CLASP2: variants seen among roughly 807,000 people sequenced by gnomAD.
The protein encoded by CLASP2 is CLIP-associating protein 2.
A neutral mutation model predicts 194.4 loss-of-function variants in CLASP2; 47 were observed. That is an observed-to-expected ratio of 0.24 (90% CI 0.19 to 0.31). CLASP2 has a LOEUF of 0.31. Ranked by LOEUF, CLASP2 falls within the 10% of genes least tolerant of loss-of-function variation. CLASP2 has a pLI of 1.00. For missense variants in CLASP2, 1,445 were observed against 1,823.6 expected, an observed-to-expected ratio of 0.79 and a Z score of 3.78; for synonymous variants, 619 against 633.5, an observed-to-expected ratio of 0.98 and a Z score of 0.34.
intron 1 of CLASP2, among the ~76,000 whole-genome samples, chr3:33,715,816 AAC>A (rs892668394): frequency 2.0e-5 from 3 of 150,370 alleles, no homozygotes; most frequent in South Asian, 2.1e-4. Flanking sequence ...CACTTTTTAA[AAC>A]AGTTAAGTAT....
chr3:33,632,457 G>A, intron 8 of CLASP2, 86 bp from the exon 9 acceptor site: 4 of 898,356 alleles, frequency 4.5e-6, no homozygotes, highest in Non-Finnish European at 6.7e-6. Flanking sequence ...AAACTCTTTT[G>A]ATATCAACAA....
At chr3:33,702,738 G>T (rs774702935) in intron 1 of CLASP2, among the ~76,000 whole-genome samples, 1 of 151,986 alleles carries the variant, frequency 6.6e-6, no homozygotes, top group African/African-American at 2.4e-5. Flanking sequence ...CTTTTACAAC[G>T]TAATAGTAAA....
chr3:33,569,296 A>C (rs1171172605), intron 26 of CLASP2, among the ~76,000 whole-genome samples: 2 of 152,224 alleles, frequency 1.3e-5, no homozygotes, highest in African/African-American at 4.8e-5. Context: ...CATCCAACCA[A>C]ACTGCATTAC....
At chr3:33,542,303 TTATTA>T (rs1297578988) in intron 32 of CLASP2, among the ~76,000 whole-genome samples, 4 of 149,220 alleles carry the variant, frequency 2.7e-5, no homozygotes, top group African/African-American at 9.8e-5. Flanking sequence ...CACTATTTAC[TTATTA>T]TATATGTTTA....
chr3:33,642,672 C>A (rs1399498028), intron 8 of CLASP2, among the ~76,000 whole-genome samples: 2 of 151,866 alleles, frequency 1.3e-5, no homozygotes, highest in Non-Finnish European at 3.0e-5. Flanking sequence ...AAACTTTCTA[C>A]AACCAATTTA....
intron 7 of CLASP2, among the ~76,000 whole-genome samples, chr3:33,648,019 C>T (rs140238980): frequency 3.5e-5 from 5 of 144,672 alleles, no homozygotes; most frequent in African/African-American, 1.0e-4. Flanking sequence ...GGCAACAGAG[C>T]GAGATTCCGT....
At chr3:33,540,690 A>G (rs1441962290) in intron 32 of CLASP2, among the ~76,000 whole-genome samples, 1 of 152,234 alleles carries the variant, frequency 6.6e-6, no homozygotes, top group Non-Finnish European at 1.5e-5. Flanking sequence ...GTATTATCCA[A>G]TAATGTTAAT....
intron 34 of CLASP2, among the ~76,000 whole-genome samples, chr3:33,527,520 GCTGA>G (rs2054905239): frequency 6.6e-6 from 1 of 152,120 alleles, no homozygotes; most frequent in African/African-American, 2.4e-5. Context: ...TGAATGCACA[GCTGA>G]ATTCTACCAG....
chr3:33,708,866 A>AT (rs1285227616), intron 1 of CLASP2, among the ~76,000 whole-genome samples: 1 of 151,942 alleles, frequency 6.6e-6, no homozygotes, highest in Non-Finnish European at 1.5e-5. Flanking sequence ...TTCTCTTTTG[A>AT]TTTTTTGATA....
At chr3:33,678,918 A>G (rs1259107696) in intron 6 of CLASP2, among the ~76,000 whole-genome samples, 3 of 152,200 alleles carry the variant, frequency 2.0e-5, no homozygotes, top group Admixed American at 1.3e-4. Flanking sequence ...CAACAAAACA[A>G]TTTTAAAATT....
intron 13 of CLASP2, among the ~76,000 whole-genome samples, chr3:33,609,780 A>G (rs544012056): frequency 6.6e-6 from 1 of 152,336 alleles, no homozygotes; most frequent in East Asian, 1.9e-4. Flanking sequence ...TGGTTTATGG[A>G]TGTCTCTACA....
chr3:33,578,612 G>A (rs776794712), intron 23 of CLASP2, among the ~76,000 whole-genome samples: 1 of 152,068 alleles, frequency 6.6e-6, no homozygotes, highest in Non-Finnish European at 1.5e-5. Context: ...AGCCCCGAAA[G>A]GTGACTGGTA....
chr3:33,506,441 A>T (rs908448834), intron 37 of CLASP2, among the ~76,000 whole-genome samples: 1 of 150,394 alleles, frequency 6.6e-6, no homozygotes, highest in African/African-American at 2.5e-5. Flanking sequence ...ATGTATTTTA[A>T]TTCATTGTAG....
At chr3:33,706,530 TACAGTTA>T (rs933846172) in intron 1 of CLASP2, among the ~76,000 whole-genome samples, 4 of 152,208 alleles carry the variant, frequency 2.6e-5, no homozygotes, top group African/African-American at 7.2e-5. Context: ...CTCTGAAAAA[TACAGTTA>T]ACAGTCTTTA....
chr3:33,529,753 G>A (rs959720415), intron 34 of CLASP2, among the ~76,000 whole-genome samples: 12 of 151,762 alleles, frequency 7.9e-5, no homozygotes, highest in African/African-American at 2.4e-4. Flanking sequence ...AGGCCGAGGC[G>A]GGTGGATCAT....
At chr3:33,673,018 G>T (rs1575478349) in intron 6 of CLASP2, among the ~76,000 whole-genome samples, 1 of 152,182 alleles carries the variant, frequency 6.6e-6, no homozygotes, top group Non-Finnish European at 1.5e-5. Context: ...AAAACACTCT[G>T]CAGGATATTA....
intron 12 of CLASP2, among the ~76,000 whole-genome samples, chr3:33,618,184 T>C (rs112749512): frequency 0.044 from 6,715 of 151,844 alleles, 359 homozygotes; most frequent in African/African-American, 0.13. Flanking sequence ...CTGACCTCAG[T>C]TGATCCGCCT....
intron 7 of CLASP2, 21 bp from the exon 8 acceptor site, chr3:33,644,924 A>G (rs754460815): frequency 1.3e-6 from 2 of 1,572,092 alleles, no homozygotes; most frequent in African/African-American, 1.3e-5. Context: ...CATCAGAAAA[A>G]TGTATTTAAG....
chr3:33,647,140 C>T (rs1286870557), intron 7 of CLASP2, among the ~76,000 whole-genome samples: 1 of 151,974 alleles, frequency 6.6e-6, no homozygotes, highest in Non-Finnish European at 1.5e-5. Flanking sequence ...GGTAAGCAAA[C>T]AAAGTCAAAG....
Sources: allele counts gnomAD v4.1 joint callset (sites outside exome capture counted in the v4.1 genomes callset), GRCh38; gene constraint gnomAD v4.1.1; transcripts MANE v1.5; gene names NCBI Gene and HGNC (gene_info 2026-07-23, HGNC 2026-07-21).